KCNQ1: variants seen among roughly 807,000 people sequenced by gnomAD.
KCNQ1 encodes the protein potassium voltage-gated channel subfamily KQT member 1.
Under a neutral mutation model 72.4 loss-of-function variants are expected in KCNQ1, and 49 were observed. The ratio of observed to expected loss-of-function variants is 0.68; its 90% confidence interval spans 0.54 to 0.86. KCNQ1 has a LOEUF of 0.86. Among genes scored for constraint, KCNQ1 ranks in the 40% least tolerant of loss-of-function variants. KCNQ1 has a pLI of 0.00. For missense variants in KCNQ1, 790 were observed against 945.1 expected (o/e 0.84, Z 2.15); for synonymous variants, 450 against 412.6 (o/e 1.09, Z -1.10).
Position 2,690,670 on chromosome 11 carries a change from T to C in KCNQ1, c.1514+28589T>C, listed in dbSNP as rs1454959152. ...GTCAGTGTATGTGTGTCAGTGCACA[T>C]AGGTATAGGGGCTGTCTCTCAGAAT... On this transcript the variant is annotated intron_variant, in intron 11 of 15. Coordinates refer to ENST00000155840, the MANE Select transcript of KCNQ1 (RefSeq NM_000218.3). This position sits in a 1 kb window ranked among gnomAD's most constrained non-coding sequence, Gnocchi z 5.1. 19 of 398,510 alleles carry C rather than the reference T, an allele frequency of 4.8e-5. No homozygotes were observed. Among genetic ancestry groups the C allele is most frequent in the Non-Finnish European group, 7.1e-5 (16 of 226,086 alleles). 24.7% of individuals were successfully genotyped at this position (398,510 alleles called of 1,614,324 possible).
chr11:2,524,691 C>CCTCAGGGTGAAGTCGACGCA (rs1191153055), intron 1 of KCNQ1, among the ~76,000 whole-genome samples: 17 of 152,226 alleles, frequency 1.1e-4, no homozygotes, highest in Admixed American at 1.1e-3. Flanking sequence ...TTATCCAAGG[C>CCTCAGGGTGAAGTCGACGCA]CTCAGGGTGA....
chr11:2,642,953 T>G lies in KCNQ1; in HGVS notation c.1394-19008T>G. On this transcript the variant is annotated intron_variant, in intron 10 of 15. Coordinates refer to ENST00000155840, the MANE Select transcript of KCNQ1 (RefSeq NM_000218.3). This position sits in a 1 kb window ranked among gnomAD's most constrained non-coding sequence, Gnocchi z 4.3. ...ATTCAGGAACATGTTAATTTCCATT[T>G]ATTTATACAGTTTTGAATGCTCCTC... 1 of 398,014 alleles carries G rather than the reference T, an allele frequency of 2.5e-6. No homozygotes were observed. Among genetic ancestry groups the G allele is most frequent in the Non-Finnish European group, 4.4e-6 (1 of 225,710 alleles). 24.7% of individuals were successfully genotyped at this position (398,014 alleles called of 1,614,324 possible).
chr11:2,480,201 C>T (rs1846631072), intron 1 of KCNQ1, among the ~76,000 whole-genome samples: 1 of 152,184 alleles, frequency 6.6e-6, no homozygotes, highest in Non-Finnish European at 1.5e-5. Flanking sequence ...TGCCTCTTAC[C>T]CAGTTCCAAA....
At position 2,803,799 on chromosome 11, in the gene KCNQ1, C is replaced by T. The variant is rs57274815; in HGVS notation, c.1794+25762C>T. Among the ~76,000 whole-genome samples the T allele has an allele frequency of 3.8e-4, 58 of 152,250 alleles. No individual in the cohort carries two copies. In the East Asian group the frequency reaches 0.01, roughly 26 times the overall value. On this transcript the variant is annotated intron_variant, in intron 15 of 15. Transcript: ENST00000155840. This position sits in a 1 kb window ranked among gnomAD's most constrained non-coding sequence, Gnocchi z 6.4. The stretch of plus-strand genomic sequence containing the variant: ...CCCTCCTCCCCTCTCATCCCCACCT[C>T]GGGCCCACCAGCTCCCACCCTGCTA...
chr11:2,643,232 T>C (rs1452468716), intron 10 of KCNQ1: 2 of 398,198 alleles, frequency 5.0e-6, no homozygotes. Flanking sequence ...TTTGTCTAGA[T>C]GATCTGTCTA....
intron 11 of KCNQ1, among the ~76,000 whole-genome samples, chr11:2,741,160 TCAGA>T (rs1446335537): frequency 2.0e-5 from 3 of 152,138 alleles, no homozygotes; most frequent in South Asian, 2.1e-4. Flanking sequence ...CTGGTGAGTC[TCAGA>T]CAGGCCTCAG....
Position 2,677,024 on chromosome 11 carries a change from C to T in KCNQ1, c.1514+14943C>T. 1 of 398,632 alleles carries T rather than the reference C, an allele frequency of 2.5e-6. No homozygotes were observed. The highest frequency in any genetic ancestry group is 4.4e-6 in the Non-Finnish European group (1 of 226,058). The allele number at this position is 398,632 out of a possible 1,614,324, so 24.7% of individuals were successfully genotyped here. On this transcript the variant is annotated intron_variant, in intron 11 of 15. Coordinates refer to ENST00000155840, the MANE Select transcript of KCNQ1 (RefSeq NM_000218.3). This position sits in a 1 kb window ranked among gnomAD's most constrained non-coding sequence, Gnocchi z 4.5. ...TGTGCCATGATTTATGGAACAGATC[C>T]TCTGTTGATGGATATGTAGGGCAGC...
In KCNQ1 at chr11:2,767,425, T is replaced by G. The variant is rs555253256; in HGVS notation, c.1515-1419T>G. 2.0e-5 allele frequency among the ~76,000 whole-genome samples: 3 copies of G among 152,304 alleles called. No individual in the cohort carries two copies. The highest frequency in any genetic ancestry group is 2.0e-4 in the Admixed American group (3 of 15,296). ...AAATTCAAGTAATAGGAAAACAGAC[T>G]CCATCTCTTAATGGAAGGAGCTGCA... On this transcript the variant is annotated intron_variant, in intron 11 of 15. Transcript: ENST00000155840. The surrounding 1 kb of genome is among the most constrained non-coding windows in gnomAD (Gnocchi z 4.6).
At position 2,708,429 on chromosome 11, in the gene KCNQ1, T is replaced by A. The variant is rs549136788; in HGVS notation, c.1514+46348T>A. Among the ~76,000 whole-genome samples the A allele has an allele frequency of 1.6e-4, 25 of 152,230 alleles. No homozygotes were observed. The South Asian group carries it at 4.8e-3, about 29-fold the overall frequency. On this transcript the variant is annotated intron_variant, in intron 11 of 15. Coordinates refer to ENST00000155840, the MANE Select transcript of KCNQ1 (RefSeq NM_000218.3). ...CCTGCTCCTTTCTTTTCTTTGTAAC[T>A]TCTCTTCAGGGCACCCACAGCCCCC...
chr11:2,811,724 G>T (rs939476900), intron 15 of KCNQ1, among the ~76,000 whole-genome samples: 2 of 152,220 alleles, frequency 1.3e-5, no homozygotes, highest in African/African-American at 4.8e-5. Flanking sequence ...CAGTGTGGGG[G>T]GCTGCGTGGG....
At chr11:2,496,514 T>TTTTTTTTTTTTTTTTTTTTTC in intron 1 of KCNQ1, among the ~76,000 whole-genome samples, 1 of 127,656 alleles carries the variant, frequency 7.8e-6, no homozygotes, top group African/African-American at 2.9e-5. Flanking sequence ...TTTTTTTTTT[T>TTTTTTTTTTTTTTTTTTTTTC]TTTTTTGCTT....
At position 2,813,287 on chromosome 11, in the gene KCNQ1, C is replaced by A. The variant is rs1254993404; in HGVS notation, c.1795-34480C>A. Among the ~76,000 whole-genome samples, 2 of 152,184 alleles carry A rather than the reference C, an allele frequency of 1.3e-5. No individual in the cohort carries two copies. The highest frequency in any genetic ancestry group is 2.4e-5 in the African/African-American group (1 of 41,436). The stretch of plus-strand genomic sequence containing the variant: ...CTGATGGCCTCAGGATGCCAGCAGG[C>A]CCTCTGATGCCCAGGGCTCATTCAA... On this transcript the variant is annotated intron_variant, in intron 15 of 15. Coordinates refer to ENST00000155840, the MANE Select transcript of KCNQ1 (RefSeq NM_000218.3). This position sits in a 1 kb window ranked among gnomAD's most constrained non-coding sequence, Gnocchi z 4.4.
intron 2 of KCNQ1, among the ~76,000 whole-genome samples, chr11:2,551,183 A>G (rs893474915): frequency 1.3e-5 from 2 of 152,204 alleles, no homozygotes; most frequent in African/African-American, 4.8e-5. Context: ...GAGTCCTGGC[A>G]AACATTTATG....
At chr11:2,842,168 A>G (rs1054685592) in intron 15 of KCNQ1, among the ~76,000 whole-genome samples, 13 of 151,782 alleles carry the variant, frequency 8.6e-5, no homozygotes, top group African/African-American at 3.1e-4. Flanking sequence ...GTGCCTGCCA[A>G]TTCAGCCCCA....
In KCNQ1 at chr11:2,803,091, G is replaced by C. The variant is rs778467113; in HGVS notation, c.1794+25054G>C. Among the ~76,000 whole-genome samples, 23 of 152,188 alleles carry C rather than the reference G, an allele frequency of 1.5e-4. No homozygotes were observed. The highest frequency in any genetic ancestry group is 4.3e-4 in the African/African-American group (18 of 41,446). ...GAGTGCCCATCAGCCGGAAGGCCACGGGAGTCAATGGTGAGGGGCAGAGTG... is the reference window on the plus strand; with the variant it reads ...GAGTGCCCATCAGCCGGAAGGCCACCGGAGTCAATGGTGAGGGGCAGAGTG... On this transcript the variant is annotated intron_variant, in intron 15 of 15. Transcript: ENST00000155840. The surrounding 1 kb of genome is among the most constrained non-coding windows in gnomAD (Gnocchi z 6.4).
chr11:2,736,170 C>T (rs912928526), intron 11 of KCNQ1, among the ~76,000 whole-genome samples: 2 of 152,230 alleles, frequency 1.3e-5, no homozygotes, highest in Non-Finnish European at 2.9e-5. Flanking sequence ...CCTGCCTGCC[C>T]TTCAGTTTAC....
intron 15 of KCNQ1, among the ~76,000 whole-genome samples, chr11:2,796,545 C>CA (rs776127485): frequency 6.6e-6 from 1 of 152,230 alleles, no homozygotes; most frequent in Non-Finnish European, 1.5e-5. Context: ...TTTCCTCACT[C>CA]TCACACCCCG....
In KCNQ1 at chr11:2,808,125, C is replaced by T. The variant is rs1421664655; in HGVS notation, c.1794+30088C>T. Among the ~76,000 whole-genome samples the T allele has an allele frequency of 6.6e-6, 1 of 152,192 alleles. No homozygotes were observed. Among genetic ancestry groups the T allele is most frequent in the African/African-American group, 2.4e-5 (1 of 41,456 alleles). On this transcript the variant is annotated intron_variant, in intron 15 of 15. Transcript: ENST00000155840. This position sits in a 1 kb window ranked among gnomAD's most constrained non-coding sequence, Gnocchi z 6.0. ...GACACCACTGTGGGCACCACTTGGG[C>T]ACCCTGTGGGCTTATTTTCCCTGCC... is the stretch of plus-strand genomic sequence containing the variant.
At position 2,608,019 on chromosome 11, in the gene KCNQ1, G is replaced by T. The variant is rs908709351; in HGVS notation, c.1393+19165G>T. Among the ~76,000 whole-genome samples the T allele has an allele frequency of 2.0e-5, 3 of 152,162 alleles. No homozygotes were observed. Among genetic ancestry groups the T allele is most frequent in the Admixed American group, 6.5e-5 (1 of 15,286 alleles). On this transcript the variant is annotated intron_variant, in intron 10 of 15. Coordinates refer to ENST00000155840, the MANE Select transcript of KCNQ1 (RefSeq NM_000218.3). The surrounding 1 kb of genome is among the most constrained non-coding windows in gnomAD (Gnocchi z 4.6). ...TCAAGAAAGCATAAAGCACAATAGCGTGGATTTACCTAATGCCACAGAACT... is the reference window on the plus strand; with the variant it reads ...TCAAGAAAGCATAAAGCACAATAGCTTGGATTTACCTAATGCCACAGAACT...
Sources: allele counts gnomAD v4.1 joint callset (sites outside exome capture counted in the v4.1 genomes callset), GRCh38; gene constraint gnomAD v4.1.1; non-coding constraint Gnocchi (gnomAD v3.1); transcripts MANE v1.5; gene names NCBI Gene and HGNC (gene_info 2026-07-23, HGNC 2026-07-21).